Variants in NLRP3 observed in about 807,000 individuals in gnomAD.
NLRP3 encodes the protein NACHT, LRR and PYD domains-containing protein 3.
NLRP3 carries 48 observed loss-of-function variants against 91.3 expected under a neutral mutation model. That is an observed-to-expected ratio of 0.53 (90% CI 0.42 to 0.67). The LOEUF (loss-of-function observed/expected upper bound fraction) is 0.67. Ranked by LOEUF, NLRP3 falls within the 30% of genes least tolerant of loss-of-function variation. The pLI is 0.00. For missense variants in NLRP3, 982 were observed against 1,276.9 expected (o/e 0.77, Z 3.52); for synonymous variants, 561 against 507.9 (o/e 1.10, Z -1.41).
intron 4 of NLRP3, among the ~76,000 whole-genome samples, chr1:247,428,599 A>G (rs983549857): frequency 2.0e-5 from 3 of 152,162 alleles, no homozygotes; most frequent in Non-Finnish European, 4.4e-5. Context: ...GCACCTCTCT[A>G]CAGAAAAACA....
intron 7 of NLRP3, among the ~76,000 whole-genome samples, chr1:247,440,703 C>T (rs1664149664): frequency 6.6e-6 from 1 of 152,166 alleles, no homozygotes; most frequent in Non-Finnish European, 1.5e-5. Flanking sequence ...ATCTGCACTC[C>T]TGGGCTCAAG....
intron 9 of NLRP3, among the ~76,000 whole-genome samples, chr1:247,448,187 G>T (rs1305380188): frequency 6.6e-6 from 1 of 151,658 alleles, no homozygotes; most frequent in African/African-American, 2.4e-5. Context: ...CTTGAAGAAG[G>T]TGCGGAGTCT....
chr1:247,435,827 A>G, intron 6 of NLRP3, 143 bp from the exon 7 acceptor site: 1 of 770,542 alleles, frequency 1.3e-6, no homozygotes, highest in Non-Finnish European at 2.3e-6. Flanking sequence ...TGGAAAAGGA[A>G]ATCAGAAGTG....
rs1057081691 is a variant in NLRP3, at chr1:247,420,693, G to C, written c.277+1616G>C. Among the ~76,000 whole-genome samples the C allele has an allele frequency of 2.0e-5, 3 of 152,184 alleles. No homozygotes were observed. The East Asian group carries it at 5.8e-4, about 29-fold the overall frequency. On this transcript the variant is annotated intron_variant, in intron 2 of 9. Coordinates refer to ENST00000336119, the MANE Select transcript of NLRP3 (RefSeq NM_001243133.2). ...GATTGCACCACGGCACTCCAGCCTG[G>C]GCTAAAGAGCAAGACCCTGTTTCAA...
chr1:247,429,333 C>T (rs895512120), intron 4 of NLRP3, among the ~76,000 whole-genome samples: 1 of 152,162 alleles, frequency 6.6e-6, no homozygotes, highest in Non-Finnish European at 1.5e-5. Context: ...CACTGGGGAG[C>T]AGGCTGTAGG....
chr1:247,447,629 T>C (rs1664668178), intron 9 of NLRP3, among the ~76,000 whole-genome samples: 1 of 151,004 alleles, frequency 6.6e-6, no homozygotes, highest in African/African-American at 2.4e-5. Context: ...ATGTGTAGAA[T>C]TGATCAGGTT....
intron 5 of NLRP3, 25 bp from the exon 6 acceptor site, chr1:247,434,078 T>A: frequency 6.2e-7 from 1 of 1,613,780 alleles, no homozygotes; most frequent in African/African-American, 1.3e-5. Context: ...TTCTGATGCT[T>A]TCTGCCTCTG....
intron 4 of NLRP3, among the ~76,000 whole-genome samples, chr1:247,427,102 C>A (rs936521746): frequency 6.6e-6 from 1 of 152,166 alleles, no homozygotes; most frequent in Non-Finnish European, 1.5e-5. Context: ...TCTGGCAGAT[C>A]TGGTGTTTGG....
At position 247,424,422 on chromosome 1, in the gene NLRP3, C is replaced by T. The variant is rs180177500; in HGVS notation, c.973C>T (p.Arg325Trp). ...PLCTDWQKAERGDILLSSLIR... is the reference protein window; with the variant it reads ...PLCTDWQKAEWGDILLSSLIR... ...CTGCACTGACTGGCAGAAGGCCGAGCGGGGAGACATTCTCCTGAGCAGCCT... is the reference window on the plus strand; with the variant it reads ...CTGCACTGACTGGCAGAAGGCCGAGTGGGGAGACATTCTCCTGAGCAGCCT... Residue 325 changes from arginine to tryptophan, a missense_variant, in exon 4 of 10, where the codon CGG becomes TGG. Arg to Trp is a moderately radical substitution (Grantham distance 101). Around this residue, in one of 5 missense-constraint regions of NLRP3, gnomAD observed 548 missense variants for 713.7 expected, o/e 0.77. Transcript: ENST00000336119. The surrounding 1 kb of genome is among the most constrained non-coding windows in gnomAD (Gnocchi z 8.1). The T allele has an allele frequency of 5.0e-6, 8 of 1,614,138 alleles. No individual in the cohort carries two copies. The highest frequency in any genetic ancestry group is 6.8e-6 in the Non-Finnish European group (8 of 1,180,038).
intron 1 of NLRP3, among the ~76,000 whole-genome samples, chr1:247,417,220 T>C (rs1662122267): frequency 6.6e-6 from 1 of 152,222 alleles, no homozygotes; most frequent in Non-Finnish European, 1.5e-5. Context: ...CTCATATCTC[T>C]GGTCAAAATC....
chr1:247,436,012 T>C lies in NLRP3; in HGVS notation c.2535T>C (p.Leu845=). ...TCACATCAGCATGTTGTCAGGATCT[T>C]GCATCAGTATTGAGCACCAGCCATT... The part of the protein sequence containing the change: ...CCLTSACCQD[L]ASVLSTSHSL... The change falls in exon 7 of 10, where the codon CTT becomes CTC. Residue 845 remains leucine (L), a synonymous_variant. Coordinates refer to ENST00000336119, the MANE Select transcript of NLRP3 (RefSeq NM_001243133.2). 6.2e-7 allele frequency: 1 copy of C among 1,614,154 alleles called. No individual in the cohort carries two copies. Among genetic ancestry groups the C allele is most frequent in the Non-Finnish European group, 8.5e-7 (1 of 1,180,016 alleles).
At chr1:247,437,418 C>T (rs956743974) in intron 7 of NLRP3, among the ~76,000 whole-genome samples, 1 of 152,254 alleles carries the variant, frequency 6.6e-6, no homozygotes, top group Admixed American at 6.5e-5. Flanking sequence ...AGCTCTGATA[C>T]TTCCTTGGAC....
intron 2 of NLRP3, among the ~76,000 whole-genome samples, chr1:247,420,380 C>G (rs1662369536): frequency 6.6e-6 from 1 of 151,904 alleles, no homozygotes; most frequent in Non-Finnish European, 1.5e-5. Context: ...ATTTGGTTAA[C>G]TGTGTCCTTT....
intron 9 of NLRP3, among the ~76,000 whole-genome samples, chr1:247,447,402 G>C (rs1664650473): frequency 6.6e-6 from 1 of 152,196 alleles, no homozygotes; most frequent in Admixed American, 6.5e-5. Flanking sequence ...TACTTCCCAA[G>C]GGCCTCACCT....
intron 4 of NLRP3, among the ~76,000 whole-genome samples, chr1:247,428,690 C>A (rs936187816): frequency 6.6e-6 from 1 of 152,054 alleles, no homozygotes; most frequent in Admixed American, 6.5e-5. Context: ...CACAGTGACT[C>A]GTGCCTGTAA....
In NLRP3 at chr1:247,424,002, C is replaced by A. The variant is rs918336810; in HGVS notation, c.553C>A (p.Leu185Ile). The change falls in exon 4 of 10, where the codon CTT becomes ATT. Residue 185 changes from leucine to isoleucine, a missense_variant. Leu to Ile is a conservative substitution (Grantham distance 5, BLOSUM62 2). Transcript: ENST00000336119. This position sits in a 1 kb window ranked among gnomAD's most constrained non-coding sequence, Gnocchi z 8.1. Reference sequence around the variant, plus strand: ...GAGCCAGCAGGAGAGGGAGCAGGAGCTTCTGGCCATCGGCAAGACCAAGAC... The same window carrying A: ...GAGCCAGCAGGAGAGGGAGCAGGAGATTCTGGCCATCGGCAAGACCAAGAC... ...HRSQQEREQE[L>I]LAIGKTKTCE... 6.2e-7 allele frequency: 1 copy of A among 1,613,992 alleles called. No homozygotes were observed.
intron 7 of NLRP3, among the ~76,000 whole-genome samples, chr1:247,440,231 T>C (rs1028839351): frequency 2.0e-5 from 3 of 152,256 alleles, no homozygotes; most frequent in African/African-American, 7.2e-5. Flanking sequence ...GGGTCACACA[T>C]GCTGAGCATT....
chr1:247,424,022 C>A lies in NLRP3; in HGVS notation c.573C>A (p.Thr191=). ...REQELLAIGK[T]KTCESPVSPI... ...AGGAGCTTCTGGCCATCGGCAAGAC[C>A]AAGACGTGTGAGAGCCCCGTGAGTC... The change falls in exon 4 of 10, where the codon ACC becomes ACA. Residue 191 remains threonine (T), a synonymous_variant. Coordinates refer to ENST00000336119, the MANE Select transcript of NLRP3 (RefSeq NM_001243133.2). This position sits in a 1 kb window ranked among gnomAD's most constrained non-coding sequence, Gnocchi z 8.1. The A allele has an allele frequency of 6.2e-7, 1 of 1,613,970 alleles. No homozygotes were observed. Among genetic ancestry groups the A allele is most frequent in the Non-Finnish European group, 8.5e-7 (1 of 1,180,002 alleles).
chr1:247,417,665 A>G (rs1366588401), intron 1 of NLRP3, among the ~76,000 whole-genome samples: 1 of 152,026 alleles, frequency 6.6e-6, no homozygotes, highest in Non-Finnish European at 1.5e-5. Context: ...TATTTTTAGT[A>G]GAGACGGGAT....
Sources: gnomAD v4.1 joint callset for allele counts (sites outside exome capture counted in the v4.1 genomes callset) on GRCh38, gnomAD v4.1.1 for gene constraint, gnomAD v4.1.1 regional missense constraint, Gnocchi (gnomAD v3.1) non-coding constraint, MANE v1.5 for transcripts, NCBI Gene and HGNC (gene_info 2026-07-23, HGNC 2026-07-21) for gene names.